Variants in KSR1 observed in about 807,000 individuals in gnomAD.
The protein encoded by KSR1 is kinase suppressor of ras.
In KSR1, 35 loss-of-function variants were observed where a neutral mutation model predicts 92.9. The observed-to-expected ratio is 0.38, with a 90% CI of 0.29 to 0.50. The LOEUF (loss-of-function observed/expected upper bound fraction) is 0.50, where lower values mean the gene tolerates loss of function less well. KSR1 is among the 20% of genes least tolerant of loss of function. The pLI, the probability that KSR1 is intolerant of heterozygous loss-of-function variation, is 0.94. For missense variants in KSR1, 972 were observed against 1,158.5 expected, an observed-to-expected ratio of 0.84 and a Z score of 2.34; for synonymous variants, 467 against 472.6, an observed-to-expected ratio of 0.99 and a Z score of 0.15.
At chr17:27,503,427 G>A (rs1171005957) in intron 1 of KSR1, among the ~76,000 whole-genome samples, 2 of 152,284 alleles carry the variant, frequency 1.3e-5, no homozygotes, top group East Asian at 1.9e-4. Flanking sequence ...ATCTAGGCCG[G>A]GTGGCTCCTG....
chr17:27,530,224 C>T (rs892016167), intron 1 of KSR1, among the ~76,000 whole-genome samples: 7 of 152,084 alleles, frequency 4.6e-5, no homozygotes, highest in East Asian at 1.9e-4. Flanking sequence ...GTGGGTGGAT[C>T]GCTGGAGCCC....
At chr17:27,565,892 C>A (rs1226314849) in intron 2 of KSR1, among the ~76,000 whole-genome samples, 1 of 152,036 alleles carries the variant, frequency 6.6e-6, no homozygotes, top group South Asian at 2.1e-4. Context: ...TTTTCATTTG[C>A]ATGGACTCCA....
intron 1 of KSR1, among the ~76,000 whole-genome samples, chr17:27,471,506 G>T (rs1341554799): frequency 6.6e-6 from 1 of 152,162 alleles, no homozygotes; most frequent in Non-Finnish European, 1.5e-5. Flanking sequence ...GAGCCCTGAG[G>T]CAGAATCGAG....
Position 27,560,753 on chromosome 17 carries a change from C to T in KSR1, c.372+10045C>T, listed in dbSNP as rs115209196. 1.9e-3 allele frequency among the ~76,000 whole-genome samples: 284 copies of T among 152,326 alleles called. 2 individuals are homozygous for T. Among genetic ancestry groups the T allele is most frequent in the African/African-American group, 6.5e-3 (271 of 41,570 alleles). On this transcript the variant is annotated intron_variant, in intron 2 of 20. Transcript: ENST00000644974. Reference sequence around the variant, plus strand: ...CATGACTATGGCCCTCATTCCTAGCCTCTCCTTCCCACCCCTCCTCCTGTC... The same window carrying T: ...CATGACTATGGCCCTCATTCCTAGCTTCTCCTTCCCACCCCTCCTCCTGTC...
At chr17:27,594,940 T>G (rs2073291423) in intron 9 of KSR1, among the ~76,000 whole-genome samples, 1 of 152,160 alleles carries the variant, frequency 6.6e-6, no homozygotes. Context: ...GGTTGGATCA[T>G]TTGTCCAGGA....
In KSR1 at chr17:27,504,171, C is replaced by T. The variant is rs73983453; in HGVS notation, c.232-46397C>T. Among the ~76,000 whole-genome samples, 714 of 152,298 alleles carry T rather than the reference C, an allele frequency of 4.7e-3. 7 individuals are homozygous for T. Among genetic ancestry groups the T allele is most frequent in the African/African-American group, 0.016 (670 of 41,564 alleles). On this transcript the variant is annotated intron_variant, in intron 1 of 20. Coordinates refer to ENST00000644974, the MANE Select transcript of KSR1 (RefSeq NM_001394583.1). The stretch of plus-strand genomic sequence containing the variant: ...GGAAGGGAGTTTAAAAGATGAGTCT[C>T]TGAGGTCTGGAGAGGTTTAATGACT...
At chr17:27,565,144 A>G (rs1042969634) in intron 2 of KSR1, among the ~76,000 whole-genome samples, 1 of 152,218 alleles carries the variant, frequency 6.6e-6, no homozygotes, top group African/African-American at 2.4e-5. Context: ...AACAGCTCCC[A>G]TTTATTATGG....
intron 1 of KSR1, among the ~76,000 whole-genome samples, chr17:27,457,952 A>AGGCC (rs980305712): frequency 7.9e-6 from 1 of 126,194 alleles, no homozygotes; most frequent in African/African-American, 3.0e-5. Flanking sequence ...AGCTGTCATA[A>AGGCC]GGCCCTCTGT....
rs2071363782 is a variant in KSR1 at position 27,550,669 on chromosome 17, C to T, written c.333C>T (p.Asp111=). ...PELNSYPRFS[D]WLYTFNVRPE... ...TCAACAGCTACCCCCGCTTCAGCGA[C>T]TGGCTGTACACTTTCAACGTGAGGC... The change falls in exon 2 of 21, where the codon GAC becomes GAT. Residue 111 remains aspartate (D), a synonymous_variant. Coordinates refer to ENST00000644974, the MANE Select transcript of KSR1 (RefSeq NM_001394583.1). 3 of 763,996 alleles carry T rather than the reference C, an allele frequency of 3.9e-6. No individual in the cohort carries two copies. Among genetic ancestry groups the T allele is most frequent in the Non-Finnish European group, 7.2e-6 (3 of 417,906 alleles). 47.3% of individuals were successfully genotyped at this position (763,996 alleles called of 1,614,324 possible).
At position 27,603,853 on chromosome 17, in the gene KSR1, C is replaced by T. The variant is rs1386561840; in HGVS notation, c.1530C>T (p.His510=). 15 of 1,613,854 alleles carry T rather than the reference C, an allele frequency of 9.3e-6. No homozygotes were observed. The highest frequency in any genetic ancestry group is 2.7e-5 in the African/African-American group (2 of 74,928). Residue 510 remains histidine (H), a synonymous_variant, in exon 12 of 21, where the codon CAC becomes CAT. Coordinates refer to ENST00000644974, the MANE Select transcript of KSR1 (RefSeq NM_001394583.1). Reference sequence around the variant, plus strand: ...CTCCAGACATTTCAGCCTTTGCACACGCAGCCCCGCTCCCTGAAGCTGCCG... The same window carrying T: ...CTCCAGACATTTCAGCCTTTGCACATGCAGCCCCGCTCCCTGAAGCTGCCG... ...FIFPDISAFA[H]AAPLPEAADG...
rs188714687 is a variant in KSR1 at position 27,554,344 on chromosome 17, C to G, written c.372+3636C>G. Among the ~76,000 whole-genome samples the G allele has an allele frequency of 2.6e-5, 4 of 152,324 alleles. No individual in the cohort carries two copies. The East Asian group carries it at 7.7e-4, about 29-fold the overall frequency. ...TCATCTAAAACAGGGGACCCATCCC[C>G]CAGGCCACTGACAGGTACCGGTCCA... On this transcript the variant is annotated intron_variant, in intron 2 of 20. Transcript: ENST00000644974.
Position 27,494,134 on chromosome 17 carries a change from G to A in KSR1, c.231+37260G>A, listed in dbSNP as rs114380730. 3.4e-3 allele frequency among the ~76,000 whole-genome samples: 513 copies of A among 151,944 alleles called. 3 individuals carry two copies. Among genetic ancestry groups the A allele is most frequent in the African/African-American group, 0.012 (494 of 41,310 alleles). The stretch of plus-strand genomic sequence containing the variant: ...AGAAGAAGTCTCCTTCTCCCACTCC[G>A]CTGTCTGACAGCAGGTTAAAAAAAA... On this transcript the variant is annotated intron_variant, in intron 1 of 20. Coordinates refer to ENST00000644974, the MANE Select transcript of KSR1 (RefSeq NM_001394583.1).
intron 1 of KSR1, among the ~76,000 whole-genome samples, chr17:27,470,831 G>A (rs917333342): frequency 2.0e-5 from 3 of 151,092 alleles, no homozygotes; most frequent in Non-Finnish European, 4.4e-5. Flanking sequence ...TCCTTATCTT[G>A]AATTTGCTAT....
intron 19 of KSR1, among the ~76,000 whole-genome samples, chr17:27,620,688 G>A (rs2074199508): frequency 6.6e-6 from 1 of 152,166 alleles, no homozygotes; most frequent in African/African-American, 2.4e-5. Flanking sequence ...CAAGGAGGGT[G>A]ATGTGAGGCA....
chr17:27,547,706 A>G (rs1005859073), intron 1 of KSR1, among the ~76,000 whole-genome samples: 2 of 151,954 alleles, frequency 1.3e-5, no homozygotes, highest in Non-Finnish European at 1.5e-5. Context: ...CTGTATCTCA[A>G]TATATTTTTC....
chr17:27,611,745 C>G, intron 18 of KSR1, 116 bp downstream of exon 18: 1 of 1,161,106 alleles, frequency 8.6e-7, no homozygotes, highest in Non-Finnish European at 1.2e-6. Flanking sequence ...GCTCTGCCAC[C>G]TGCACGTGTC....
intron 7 of KSR1, 23 bp downstream of exon 7, chr17:27,590,917 TG>T (rs752579264): frequency 1.2e-5 from 19 of 1,545,144 alleles, no homozygotes; most frequent in East Asian, 2.3e-5. Context: ...GGAGTGGGGG[TG>T]GGGGGAGCAG....
intron 1 of KSR1, among the ~76,000 whole-genome samples, chr17:27,541,407 G>A (rs1227848755): frequency 1.3e-5 from 2 of 152,268 alleles, no homozygotes; most frequent in South Asian, 4.1e-4. Flanking sequence ...CTGGCTTAGA[G>A]CCAGGGGTGG....
intron 1 of KSR1, among the ~76,000 whole-genome samples, chr17:27,508,061 C>T (rs1317725283): frequency 6.6e-6 from 1 of 152,192 alleles, no homozygotes; most frequent in African/African-American, 2.4e-5. Flanking sequence ...CTCCTGCTCC[C>T]CAACCTGCCA....
Sources: allele counts gnomAD v4.1 joint callset (sites outside exome capture counted in the v4.1 genomes callset), GRCh38; gene constraint gnomAD v4.1.1; transcripts MANE v1.5; gene names NCBI Gene and HGNC (gene_info 2026-07-23, HGNC 2026-07-21).